HIVEP1: variants seen among roughly 807,000 people sequenced by gnomAD.
The protein encoded by HIVEP1 is zinc finger protein 40.
In HIVEP1, 36 loss-of-function variants were observed where a neutral mutation model predicts 180.0. That is an observed-to-expected ratio of 0.20 (90% confidence interval 0.15 to 0.26). The LOEUF (loss-of-function observed/expected upper bound fraction) is 0.26. Ranked by LOEUF, HIVEP1 falls within the 10% of genes least tolerant of loss-of-function variation. HIVEP1 has a pLI of 1.00. For synonymous variants in HIVEP1, 1,239 were observed against 1,239.0 expected (o/e 1.00, Z 0.00); for missense variants, 3,143 against 3,268.7 (o/e 0.96, Z 0.94).
rs377358322 is a variant in HIVEP1 at position 12,160,454 on chromosome 6, C to T, written c.6488-985C>T. 7.1e-4 allele frequency among the ~76,000 whole-genome samples: 108 copies of T among 152,180 alleles called. 4 individuals are homozygous for T. Among genetic ancestry groups the T allele is most frequent in the African/African-American group, 2.6e-3 (106 of 41,500 alleles). On this transcript the variant is annotated intron_variant, in intron 7 of 8. Coordinates refer to ENST00000379388, the MANE Select transcript of HIVEP1 (RefSeq NM_002114.4). ...AGGTGAATATGACGACACGGAGGAC[C>T]ATTGAAACATGCCTGTGTCAACCAA...
intron 7 of HIVEP1, among the ~76,000 whole-genome samples, chr6:12,146,695 A>C (rs1412772062): frequency 2.6e-5 from 4 of 152,196 alleles, no homozygotes; most frequent in Non-Finnish European, 4.4e-5. Flanking sequence ...ATCCTCAGTA[A>C]TGATCATTCC....
chr6:12,129,967 A>G, intron 5 of HIVEP1, 75 bp downstream of exon 5: 1 of 1,010,470 alleles, frequency 9.9e-7, no homozygotes, highest in East Asian at 2.4e-5. Context: ...CATGTGAATG[A>G]AGACTTAGTG....
At chr6:12,011,546 C>T (rs1227798135), upstream of HIVEP1, among the ~76,000 whole-genome samples, 1 of 150,684 alleles carries the variant, frequency 6.6e-6, no homozygotes, top group African/African-American at 2.4e-5. Context: ...CCAGGGCTCC[C>T]GCCCCCCGCG....
At chr6:12,068,966 G>A (rs1400671678) in intron 2 of HIVEP1, among the ~76,000 whole-genome samples, 1 of 152,130 alleles carries the variant, frequency 6.6e-6, no homozygotes, top group African/African-American at 2.4e-5. Context: ...CCCCAGAAAT[G>A]CAGCTATGAT....
chr6:12,181,877 C>A, the HIVEP1 span, among the ~76,000 whole-genome samples: 1 of 151,882 alleles, frequency 6.6e-6, no homozygotes, highest in African/African-American at 2.4e-5. Flanking sequence ...CCATTTTTTT[C>A]TCTTTTGATC....
the HIVEP1 span, among the ~76,000 whole-genome samples, chr6:12,201,664 C>T: frequency 5.9e-5 from 9 of 152,156 alleles, no homozygotes; most frequent in African/African-American, 2.2e-4. Context: ...ATCTTCTTCT[C>T]TTTTGATCCT....
intron 7 of HIVEP1, among the ~76,000 whole-genome samples, chr6:12,155,434 A>G (rs1301310555): frequency 8.9e-6 from 1 of 112,196 alleles, no homozygotes; most frequent in Non-Finnish European, 1.8e-5. Context: ...GACAGGCCCC[A>G]GTGAGTATTG....
intron 3 of HIVEP1, among the ~76,000 whole-genome samples, chr6:12,101,392 T>C (rs1160954764): frequency 6.8e-6 from 1 of 147,568 alleles, no homozygotes; most frequent in Non-Finnish European, 1.5e-5. Flanking sequence ...ATAAATACAA[T>C]ATGTATATAA....
intron 2 of HIVEP1, among the ~76,000 whole-genome samples, chr6:12,069,789 A>G (rs1199977746): frequency 1.3e-5 from 2 of 152,006 alleles, no homozygotes; most frequent in African/African-American, 4.8e-5. Context: ...GCTTACTGTA[A>G]CTTTATAACC....
chr6:12,126,640 A>G (rs1758086681), intron 4 of HIVEP1, among the ~76,000 whole-genome samples: 1 of 152,210 alleles, frequency 6.6e-6, no homozygotes, highest in Non-Finnish European at 1.5e-5. Context: ...ATTCATAAGC[A>G]TGCAACACAG....
chr6:12,017,040 G>C (rs758615859), intron 2 of HIVEP1, among the ~76,000 whole-genome samples: 3 of 152,220 alleles, frequency 2.0e-5, no homozygotes, highest in African/African-American at 7.2e-5. Context: ...TTGAAGGAAC[G>C]AGTGCATGAT....
the HIVEP1 span, among the ~76,000 whole-genome samples, chr6:12,209,852 T>TTA: frequency 6.6e-6 from 1 of 152,310 alleles, no homozygotes; most frequent in Non-Finnish European, 1.5e-5. Context: ...TTCCTCTTTG[T>TTA]TATATATTGT....
intron 2 of HIVEP1, among the ~76,000 whole-genome samples, chr6:12,025,602 C>T (rs1043430263): frequency 5.9e-5 from 9 of 152,226 alleles, no homozygotes; most frequent in Middle Eastern, 6.8e-3. Flanking sequence ...GGGAAACTAA[C>T]GTGAAAACAT....
intron 2 of HIVEP1, among the ~76,000 whole-genome samples, chr6:12,068,388 C>T (rs1426966864): frequency 6.6e-6 from 1 of 152,078 alleles, no homozygotes; most frequent in East Asian, 1.9e-4. Flanking sequence ...CCATGCCCAG[C>T]CTGACCTTAG....
chr6:12,075,144 C>T (rs79029571), intron 2 of HIVEP1, among the ~76,000 whole-genome samples: 6,489 of 152,268 alleles, frequency 0.043, 332 homozygotes, highest in African/African-American at 0.12. Flanking sequence ...CGCACAGGCA[C>T]GTAGACACGT....
At chr6:12,143,924 A>G (rs1759207290) in intron 7 of HIVEP1, among the ~76,000 whole-genome samples, 1 of 152,214 alleles carries the variant, frequency 6.6e-6, no homozygotes, top group Admixed American at 6.5e-5. Context: ...ATGCTCATGG[A>G]TAGGAAGAAT....
chr6:12,024,991 A>G (rs912248789), intron 2 of HIVEP1, among the ~76,000 whole-genome samples: 1 of 152,238 alleles, frequency 6.6e-6, no homozygotes, highest in African/African-American at 2.4e-5. Context: ...ACCTTTCCAC[A>G]GGTCTCTACT....
rs761262527 is a variant in HIVEP1, at chr6:12,124,423, A to T, written c.4628A>T (p.Asn1543Ile). ...VSTQGSKPDK[N>I]SVLSGSSKSE... ...ACGCAGGGTAGCAAGCCAGATAAAAATTCTGTTTTATCTGGGTCTTCTAAA... is the reference window on the plus strand; with the variant it reads ...ACGCAGGGTAGCAAGCCAGATAAAATTTCTGTTTTATCTGGGTCTTCTAAA... The change falls in exon 4 of 9, where the codon AAT (asparagine) becomes ATT (isoleucine). Residue 1543 changes from asparagine (N) to isoleucine (I), a missense_variant. By Grantham distance (149) the Asn-to-Ile change is moderately radical (BLOSUM62 -3). Transcript: ENST00000379388. 7 of 1,613,962 alleles carry T rather than the reference A, an allele frequency of 4.3e-6. No individual in the cohort carries two copies. Among genetic ancestry groups the T allele is most frequent in the Non-Finnish European group, 5.9e-6 (7 of 1,179,872 alleles).
At chr6:12,108,327 C>G (rs1581696445) in intron 3 of HIVEP1, among the ~76,000 whole-genome samples, 3 of 152,362 alleles carry the variant, frequency 2.0e-5, no homozygotes, top group East Asian at 1.9e-4. Context: ...CTGGCTTCAC[C>G]CAGTAGATCC....
Sources: gnomAD v4.1 joint callset for allele counts (sites outside exome capture counted in the v4.1 genomes callset) on GRCh38, gnomAD v4.1.1 for gene constraint, MANE v1.5 for transcripts, NCBI Gene and HGNC (gene_info 2026-07-23, HGNC 2026-07-21) for gene names.